ABLIM1: variants seen among roughly 807,000 people sequenced by gnomAD.
The protein encoded by ABLIM1 is actin-binding LIM protein 1.
ABLIM1 carries 40 observed loss-of-function variants against 107.0 expected under a neutral mutation model. The observed-to-expected ratio is 0.37, with a 90% CI of 0.29 to 0.49. The LOEUF (loss-of-function observed/expected upper bound fraction) is 0.49. Ranked by LOEUF, ABLIM1 falls within the 20% of genes least tolerant of loss-of-function variation. The pLI is 0.97. For synonymous variants in ABLIM1, 357 were observed against 357.3 expected, an observed-to-expected ratio of 1.00 and a Z score of 0.01; for missense variants, 857 against 1,008.5, an observed-to-expected ratio of 0.85 and a Z score of 2.04.
chr10:114,466,849 G>A (rs2065274944), intron 11 of ABLIM1, among the ~76,000 whole-genome samples: 1 of 151,970 alleles, frequency 6.6e-6, no homozygotes. Flanking sequence ...CAACAAATTG[G>A]GGCACAATTA....
the ABLIM1 span, among the ~76,000 whole-genome samples, chr10:114,786,958 C>T: frequency 5.8e-4 from 88 of 150,794 alleles, no homozygotes; most frequent in East Asian, 0.016. Flanking sequence ...GGCCGCCCAT[C>T]GTCTGGGATG....
chr10:114,794,949 A>C, the ABLIM1 span, among the ~76,000 whole-genome samples: 1 of 152,238 alleles, frequency 6.6e-6, no homozygotes, highest in Non-Finnish European at 1.5e-5. Flanking sequence ...TTGGACATAC[A>C]TCTGAATTTT....
At chr10:114,443,351 C>T (rs1399502105) in intron 17 of ABLIM1, among the ~76,000 whole-genome samples, 3 of 149,456 alleles carry the variant, frequency 2.0e-5, no homozygotes, top group Non-Finnish European at 3.0e-5. Flanking sequence ...TCACTCTTGT[C>T]GCCCAGGCTG....
At chr10:114,789,875 C>T in the ABLIM1 span, among the ~76,000 whole-genome samples, 1,080 of 152,042 alleles carry the variant, frequency 7.1e-3, 6 homozygotes, top group African/African-American at 0.025. Context: ...TCATTGCAAC[C>T]TTCACTTCCT....
intron 1 of ABLIM1, among the ~76,000 whole-genome samples, chr10:114,760,223 C>T (rs188160490): frequency 1.1e-3 from 165 of 151,632 alleles, no homozygotes; most frequent in African/African-American, 3.7e-3. Context: ...TCAACACTGT[C>T]TATTATATTG....
chr10:114,592,462 C>G (rs1466567343), intron 2 of ABLIM1, among the ~76,000 whole-genome samples: 7 of 152,012 alleles, frequency 4.6e-5, no homozygotes, highest in Non-Finnish European at 7.4e-5. Flanking sequence ...ATTTGAAGGT[C>G]AAATTGAGGT....
intron 1 of ABLIM1, among the ~76,000 whole-genome samples, chr10:114,614,604 G>C (rs1411724060): frequency 6.6e-6 from 1 of 152,064 alleles, no homozygotes; most frequent in African/African-American, 2.4e-5. Context: ...CACTCACAAG[G>C]GAGTTTTCAC....
chr10:114,634,664 G>A (rs1186934467), intron 1 of ABLIM1, among the ~76,000 whole-genome samples: 5 of 152,014 alleles, frequency 3.3e-5, no homozygotes, highest in Non-Finnish European at 4.4e-5. Context: ...ACTACATAGT[G>A]GTTCAGAGAG....
At chr10:114,516,709 T>C (rs1250405793) in intron 6 of ABLIM1, among the ~76,000 whole-genome samples, 1 of 152,210 alleles carries the variant, frequency 6.6e-6, no homozygotes, top group Admixed American at 6.5e-5. Flanking sequence ...TTTGTGAGCT[T>C]CACACTGGAT....
At chr10:114,574,911 T>C (rs7078175) in intron 3 of ABLIM1, among the ~76,000 whole-genome samples, 4,320 of 152,264 alleles carry the variant, frequency 0.028, 190 homozygotes, top group African/African-American at 0.099. Flanking sequence ...AACTCTGTTG[T>C]TGCAGCGTGG....
At chr10:114,440,904 A>G (rs2060095907) in intron 19 of ABLIM1, 113 bp downstream of exon 19, 13 of 1,045,172 alleles carry the variant, frequency 1.2e-5, no homozygotes, top group Non-Finnish European at 1.6e-5. Flanking sequence ...GACAGATGTG[A>G]TCCTACTCTA....
intron 1 of ABLIM1, among the ~76,000 whole-genome samples, chr10:114,727,609 T>A (rs2081987253): frequency 1.3e-5 from 2 of 152,190 alleles, no homozygotes; most frequent in South Asian, 2.1e-4. Flanking sequence ...CTTAAACGGG[T>A]CAAAAAACTC....
At chr10:114,549,517 C>T (rs866595191) in intron 4 of ABLIM1, among the ~76,000 whole-genome samples, 23 of 152,194 alleles carry the variant, frequency 1.5e-4, no homozygotes, top group African/African-American at 3.6e-4. Context: ...TAGTTTAACC[C>T]GTTCTTTTTC....
chr10:114,641,017 A>C (rs950513437), intron 1 of ABLIM1, among the ~76,000 whole-genome samples: 3 of 152,122 alleles, frequency 2.0e-5, no homozygotes, highest in African/African-American at 7.2e-5. Context: ...GTTAAGGGTA[A>C]TAACTATTGT....
intron 15 of ABLIM1, among the ~76,000 whole-genome samples, chr10:114,447,008 G>A (rs138412357): frequency 1.3e-5 from 2 of 152,314 alleles, no homozygotes; most frequent in East Asian, 3.9e-4. Flanking sequence ...TGTATTGCTT[G>A]TGAAAGATAT....
At chr10:114,490,193 G>A (rs946455096) in intron 7 of ABLIM1, among the ~76,000 whole-genome samples, 9 of 152,216 alleles carry the variant, frequency 5.9e-5, no homozygotes, top group African/African-American at 2.2e-4. Flanking sequence ...TTGTCCTTGG[G>A]AAAACGTGTC....
At chr10:114,591,610 G>A (rs76124254) in intron 2 of ABLIM1, among the ~76,000 whole-genome samples, 2,467 of 152,092 alleles carry the variant, frequency 0.016, 58 homozygotes, top group African/African-American at 0.057. Context: ...AAAATGCTGC[G>A]TCTGGGAACC....
intron 4 of ABLIM1, among the ~76,000 whole-genome samples, chr10:114,566,817 C>T (rs1167280274): frequency 3.3e-5 from 5 of 152,054 alleles, no homozygotes; most frequent in Non-Finnish European, 5.9e-5. Context: ...GGGAGGCTGA[C>T]GCGGGCAGAT....
chr10:114,575,654 C>T, intron 2 of ABLIM1, 55 bp from the exon 3 acceptor site: 1 of 1,561,744 alleles, frequency 6.4e-7, no homozygotes, highest in Non-Finnish European at 8.7e-7. Context: ...CCGGGCAGCA[C>T]TGCCTTTGAG....
Sources: gnomAD v4.1 joint callset for allele counts (sites outside exome capture counted in the v4.1 genomes callset) on GRCh38, gnomAD v4.1.1 for gene constraint, MANE v1.5 for transcripts, NCBI Gene and HGNC (gene_info 2026-07-23, HGNC 2026-07-21) for gene names.